PDE10A: variants seen among roughly 807,000 people sequenced by gnomAD.
PDE10A encodes the protein phosphodiesterase 10A, also known as cAMP and cAMP-inhibited cGMP 3',5'-cyclic phosphodiesterase 10A.
In PDE10A, 39 loss-of-function variants were observed where a neutral mutation model predicts 97.7. The ratio of observed to expected loss-of-function variants is 0.40; its 90% CI spans 0.31 to 0.52. PDE10A has a LOEUF of 0.52. PDE10A is among the 20% of genes least tolerant of loss of function. The pLI, the probability that PDE10A is intolerant of heterozygous loss-of-function variation, is 0.56. For missense variants in PDE10A, 731 were observed against 1,047.8 expected (o/e 0.70, Z 4.17); for synonymous variants, 371 against 376.8 (o/e 0.98, Z 0.18).
At chr6:165,549,628 TA>T (rs1459879741) in intron 1 of PDE10A, among the ~76,000 whole-genome samples, 1 of 152,140 alleles carries the variant, frequency 6.6e-6, no homozygotes, top group Non-Finnish European at 1.5e-5. Context: ...GCGGCTGCAT[TA>T]TTATGTTTTA....
At position 165,625,273 on chromosome 6, in the gene PDE10A, G is replaced by A. The variant is rs370206420; in HGVS notation, c.865+36674C>T. 5.3e-5 allele frequency among the ~76,000 whole-genome samples: 8 copies of A among 152,316 alleles called. No homozygotes were observed. In the South Asian group the frequency reaches 1.0e-3, roughly 20 times the overall value. ...ACCAGCAAGGAGCCAGGCCAAGGCC[G>A]GGAGGCTAAGGAGAGGCTGTCTCAC... On this transcript the variant is annotated intron_variant, in intron 1 of 21. Transcript: ENST00000539869.
At chr6:165,617,548 A>G (rs1787783119) in intron 1 of PDE10A, among the ~76,000 whole-genome samples, 1 of 152,116 alleles carries the variant, frequency 6.6e-6, no homozygotes. Flanking sequence ...AGTGAGTGTT[A>G]AAGTGGGGGA....
intron 1 of PDE10A, among the ~76,000 whole-genome samples, chr6:165,594,916 G>C (rs1786494200): frequency 6.6e-6 from 1 of 152,234 alleles, no homozygotes; most frequent in Admixed American, 6.5e-5. Context: ...AGGAGGTTAA[G>C]TCTGGTGTGG....
At chr6:165,573,666 A>G (rs866761376) in intron 1 of PDE10A, among the ~76,000 whole-genome samples, 10 of 152,244 alleles carry the variant, frequency 6.6e-5, no homozygotes, top group Non-Finnish European at 2.9e-5. Flanking sequence ...AATGAATTGA[A>G]TGTATCTTTG....
intron 5 of PDE10A, among the ~76,000 whole-genome samples, chr6:165,448,050 A>G (rs1177611971): frequency 6.6e-6 from 1 of 152,216 alleles, no homozygotes; most frequent in Admixed American, 6.5e-5. Flanking sequence ...ATTCCTAGTA[A>G]CATTGTATAT....
At position 165,383,008 on chromosome 6, in the gene PDE10A, G is replaced by A. The variant is rs1186655146; in HGVS notation, c.2611-3642C>T. Among the ~76,000 whole-genome samples, 6 of 152,198 alleles carry A rather than the reference G, an allele frequency of 3.9e-5. No individual in the cohort carries two copies. In the East Asian group the frequency reaches 1.2e-3, roughly 29 times the overall value. ...ACAACAGCAAATTGTATCTAGTGCA[G>A]ACGAATTGGAAGAACTCTCTAGCTA... is the stretch of plus-strand genomic sequence containing the variant. On this transcript the variant is annotated intron_variant, in intron 17 of 21. Coordinates refer to ENST00000539869, the MANE Select transcript of PDE10A (RefSeq NM_001385079.1).
At position 165,983,043 on chromosome 6, in the gene PDE10A, G is replaced by T. The variant is rs968632567; in HGVS notation, c.-615+4486C>A. Among the ~76,000 whole-genome samples the T allele has an allele frequency of 1.3e-4, 11 of 86,984 alleles. No individual in the cohort carries two copies. The East Asian group carries it at 2.8e-3, about 22-fold the overall frequency. 57.1% of individuals were successfully genotyped at this position (86,984 alleles called of 152,430 possible). On this transcript the variant is annotated intron_variant, in intron 1 of 19. Transcript: ENST00000366882. ...CAGAGCCAGCTGCTGCCCACAAGAGGAATGTATCCTAATCACAATTTTACG... is the reference window on the plus strand; with the variant it reads ...CAGAGCCAGCTGCTGCCCACAAGAGTAATGTATCCTAATCACAATTTTACG...
intron 10 of PDE10A, among the ~76,000 whole-genome samples, chr6:165,425,040 G>A (rs1789015466): frequency 6.6e-6 from 1 of 152,010 alleles, no homozygotes; most frequent in South Asian, 2.1e-4. Flanking sequence ...ATTCAACAGT[G>A]TTCATTAGGT....
chr6:165,385,336 C>T (rs774652486), intron 17 of PDE10A, among the ~76,000 whole-genome samples: 8 of 140,160 alleles, frequency 5.7e-5, no homozygotes, highest in Non-Finnish European at 1.0e-4. Context: ...ACAATTCGGG[C>T]ATACTGAATA....
At chr6:165,935,745 T>G (rs1583308053) in intron 1 of PDE10A, among the ~76,000 whole-genome samples, 1 of 152,330 alleles carries the variant, frequency 6.6e-6, no homozygotes, top group East Asian at 1.9e-4. Context: ...TGCCACTATA[T>G]CAGGGGTGTG....
At chr6:165,965,522 C>T (rs1277488739) in intron 1 of PDE10A, among the ~76,000 whole-genome samples, 4 of 152,078 alleles carry the variant, frequency 2.6e-5, no homozygotes, top group African/African-American at 7.2e-5. Context: ...AATCTAGATC[C>T]TAAGGTTTTC....
At chr6:165,816,535 T>C (rs1231123277) in intron 1 of PDE10A, among the ~76,000 whole-genome samples, 3 of 152,168 alleles carry the variant, frequency 2.0e-5, no homozygotes, top group Non-Finnish European at 2.9e-5. Flanking sequence ...TTACAGCCAA[T>C]AAGAACGGGG....
In PDE10A at chr6:165,919,054, G is replaced by C. The variant is rs969876866; in HGVS notation, c.-615+68475C>G. On this transcript the variant is annotated intron_variant, in intron 1 of 19. Transcript: ENST00000366882. ...CTGATTCTATTCTTGAATAAACATA[G>C]AGAAGATAAAGGAGGTCCTGAATCT... Among the ~76,000 whole-genome samples the C allele has an allele frequency of 8.5e-5, 13 of 152,108 alleles. No homozygotes were observed. The East Asian group carries it at 2.3e-3, about 27-fold the overall frequency.
At chr6:165,977,513 G>A (rs1299522154) in intron 1 of PDE10A, among the ~76,000 whole-genome samples, 2 of 152,168 alleles carry the variant, frequency 1.3e-5, no homozygotes, top group African/African-American at 4.8e-5. Flanking sequence ...AATTATATTT[G>A]TGAGTCAAAA....
chr6:165,796,112 T>TTTTC (rs1562741090), intron 1 of PDE10A, among the ~76,000 whole-genome samples: 1 of 147,438 alleles, frequency 6.8e-6, no homozygotes, highest in African/African-American at 2.6e-5. Context: ...TTTTTTTTTT[T>TTTTC]TGAGACGGAG....
chr6:165,736,144 C>T (rs1354785812), intron 1 of PDE10A, among the ~76,000 whole-genome samples: 1 of 152,102 alleles, frequency 6.6e-6, no homozygotes, highest in Non-Finnish European at 1.5e-5. Context: ...ATAGAAGGCA[C>T]TCTCAGAAAG....
chr6:165,818,289 T>C (rs4709988), intron 1 of PDE10A, among the ~76,000 whole-genome samples: 105,517 of 152,080 alleles, frequency 0.69, 37,310 homozygotes, highest in African/African-American at 0.84. Context: ...TGAAGGAGGC[T>C]GAGAAATAGA....
intron 1 of PDE10A, among the ~76,000 whole-genome samples, chr6:165,608,160 G>A (rs575895358): frequency 1.7e-4 from 25 of 150,514 alleles, no homozygotes; most frequent in African/African-American, 5.9e-4. Context: ...TGTGCACAAC[G>A]TGCAGGTTTG....
chr6:165,632,106 A>G (rs1439855913), intron 1 of PDE10A, among the ~76,000 whole-genome samples: 1 of 149,996 alleles, frequency 6.7e-6, no homozygotes, highest in Non-Finnish European at 1.5e-5. Context: ...AGGCTGAGGC[A>G]GGAGAATCAC....
Sources: allele counts gnomAD v4.1 joint callset (sites outside exome capture counted in the v4.1 genomes callset), GRCh38; gene constraint gnomAD v4.1.1; transcripts MANE v1.5; gene names NCBI Gene and HGNC (gene_info 2026-07-23, HGNC 2026-07-21).